Variants in CEP112 observed in about 807,000 individuals in gnomAD.
CEP112 encodes the protein centrosomal protein 112.
Under a neutral mutation model 153.0 loss-of-function variants are expected in CEP112, and 127 were observed. The observed-to-expected ratio is 0.83, with a 90% confidence interval of 0.72 to 0.96. The LOEUF is 0.96. Ranked by LOEUF, CEP112 falls within the 40% of genes least tolerant of loss-of-function variation. The pLI is 0.00. For synonymous variants in CEP112, 358 were observed against 374.4 expected (o/e 0.96, Z 0.51); for missense variants, 1,089 against 1,101.2 (o/e 0.99, Z 0.16).
chr17:65,669,494 G>A (rs528629269), intron 24 of CEP112, among the ~76,000 whole-genome samples: 1 of 152,300 alleles, frequency 6.6e-6, no homozygotes, highest in Non-Finnish European at 1.5e-5. Flanking sequence ...GAGGGAGAGA[G>A]AATGTATAGC....
At chr17:66,104,821 C>T (rs1119412) in intron 6 of CEP112, among the ~76,000 whole-genome samples, 59,422 of 151,832 alleles carry the variant, frequency 0.39, 13,213 homozygotes, top group East Asian at 0.87. Flanking sequence ...ATAGTATACC[C>T]AGCAAAAATA....
intron 24 of CEP112, among the ~76,000 whole-genome samples, chr17:65,642,325 G>A (rs879338248): frequency 4.6e-5 from 7 of 152,170 alleles, no homozygotes; most frequent in Admixed American, 3.9e-4. Context: ...TATGAAAATT[G>A]TGTACGACTG....
chr17:65,781,199 A>T (rs887956768), intron 21 of CEP112, among the ~76,000 whole-genome samples: 3 of 152,202 alleles, frequency 2.0e-5, no homozygotes, highest in African/African-American at 7.2e-5. Context: ...TACAAAAATC[A>T]GTAGCATTTC....
intron 17 of CEP112, among the ~76,000 whole-genome samples, chr17:65,970,792 A>G (rs2062719197): frequency 6.6e-6 from 1 of 151,858 alleles, no homozygotes; most frequent in African/African-American, 2.4e-5. Context: ...CATAAAATGT[A>G]TATTGCACAT....
At chr17:65,706,018 A>T (rs1161800844) in intron 23 of CEP112, among the ~76,000 whole-genome samples, 2 of 152,208 alleles carry the variant, frequency 1.3e-5, no homozygotes, top group Non-Finnish European at 2.9e-5. Context: ...GGGGGAAATG[A>T]CAGAGTAAAT....
At chr17:65,977,236 A>G (rs2145084762) in intron 17 of CEP112, among the ~76,000 whole-genome samples, 2 of 152,234 alleles carry the variant, frequency 1.3e-5, no homozygotes, top group Admixed American at 1.3e-4. Flanking sequence ...TCCTCTTGGC[A>G]TCAACACAAC....
Position 66,058,195 on chromosome 17 carries a change from C to T in CEP112, c.1075-4316G>A, listed in dbSNP as rs530703241. 1.9e-4 allele frequency among the ~76,000 whole-genome samples: 29 copies of T among 152,094 alleles called. No individual in the cohort carries two copies. In the East Asian group the frequency reaches 4.6e-3, roughly 24 times the overall value. ...TACTAATCCAGCAGAAAGAAAAAGA[C>T]GTACCCTTGTAAGTGGCAGAAGCCT... On this transcript the variant is annotated intron_variant, in intron 11 of 26. Transcript: ENST00000535342.
intron 8 of CEP112, among the ~76,000 whole-genome samples, chr17:66,088,894 G>A (rs1050943520): frequency 6.6e-6 from 1 of 151,944 alleles, no homozygotes; most frequent in African/African-American, 2.4e-5. Flanking sequence ...GAACCTGTCT[G>A]GCCCCTGCAG....
chr17:66,131,868 T>C (rs2070185124), intron 5 of CEP112, among the ~76,000 whole-genome samples: 1 of 151,266 alleles, frequency 6.6e-6, no homozygotes, highest in Admixed American at 6.6e-5. Context: ...ACAGTGTTTC[T>C]CTTTTCCAAG....
At chr17:65,748,005 A>C (rs1598458487) in intron 22 of CEP112, among the ~76,000 whole-genome samples, 1 of 152,300 alleles carries the variant, frequency 6.6e-6, no homozygotes, top group Non-Finnish European at 1.5e-5. Context: ...TAGTGTTCTC[A>C]TCAGCCTAAT....
intron 20 of CEP112, among the ~76,000 whole-genome samples, chr17:65,882,900 C>T (rs928814400): frequency 2.6e-5 from 4 of 152,108 alleles, no homozygotes; most frequent in African/African-American, 9.7e-5. Context: ...TCCCTGTGAC[C>T]CTACTCAACT....
At chr17:65,772,886 G>A (rs905039836) in intron 21 of CEP112, among the ~76,000 whole-genome samples, 5 of 128,954 alleles carry the variant, frequency 3.9e-5, no homozygotes, top group Non-Finnish European at 7.8e-5. Context: ...AATATTAAAG[G>A]GTAATGATGA....
At chr17:66,159,776 C>T (rs1568560310) in intron 4 of CEP112, among the ~76,000 whole-genome samples, 1 of 152,096 alleles carries the variant, frequency 6.6e-6, no homozygotes. Flanking sequence ...CAAGTATTCC[C>T]TTTGAAAACC....
intron 17 of CEP112, among the ~76,000 whole-genome samples, chr17:65,991,221 G>A (rs569941831): frequency 4.6e-5 from 7 of 152,016 alleles, no homozygotes; most frequent in South Asian, 2.1e-4. Flanking sequence ...ACTTTTAATC[G>A]AACTTTGATA....
At chr17:65,868,075 AT>A (rs1385735031) in intron 20 of CEP112, among the ~76,000 whole-genome samples, 1 of 151,990 alleles carries the variant, frequency 6.6e-6, no homozygotes, top group African/African-American at 2.4e-5. Flanking sequence ...AAGAAGAGAT[AT>A]TCTTTCTGTT....
chr17:65,724,011 A>G (rs1395084400), intron 23 of CEP112, among the ~76,000 whole-genome samples: 2 of 152,196 alleles, frequency 1.3e-5, no homozygotes, highest in Non-Finnish European at 2.9e-5. Context: ...TCCTACAGCA[A>G]GTGACAGAGA....
At chr17:65,922,666 T>C (rs1232873788) in intron 19 of CEP112, among the ~76,000 whole-genome samples, 1 of 152,188 alleles carries the variant, frequency 6.6e-6, no homozygotes, top group Non-Finnish European at 1.5e-5. Flanking sequence ...TCATAACCTC[T>C]GACTAGCATT....
intron 21 of CEP112, among the ~76,000 whole-genome samples, chr17:65,760,046 T>C (rs2052520981): frequency 6.6e-6 from 1 of 152,210 alleles, no homozygotes; most frequent in South Asian, 2.1e-4. Context: ...ATTGTGTTTT[T>C]GGTTTAAAAT....
At chr17:66,078,403 A>G (rs533170335) in intron 8 of CEP112, among the ~76,000 whole-genome samples, 2 of 151,524 alleles carry the variant, frequency 1.3e-5, no homozygotes, top group South Asian at 4.2e-4. Flanking sequence ...GACTACAGAC[A>G]TGCGCCACCA....
Sources: allele counts gnomAD v4.1 joint callset (sites outside exome capture counted in the v4.1 genomes callset), GRCh38; gene constraint gnomAD v4.1.1; transcripts MANE v1.5; gene names NCBI Gene and HGNC (gene_info 2026-07-23, HGNC 2026-07-21).